Variants in SPECC1 observed in about 807,000 individuals in gnomAD.
SPECC1 encodes cytospin-B.
In SPECC1, 62 loss-of-function variants were observed where a neutral mutation model predicts 104.1. The observed-to-expected ratio is 0.60, with a 90% CI of 0.49 to 0.74. The LOEUF (loss-of-function observed/expected upper bound fraction) is 0.74. Among genes scored for constraint, SPECC1 ranks in the 30% least tolerant of loss-of-function variants. SPECC1 has a pLI of 0.00. For synonymous variants in SPECC1, 513 were observed against 501.6 expected, an observed-to-expected ratio of 1.02 and a Z score of -0.30; for missense variants, 1,306 against 1,310.5, an observed-to-expected ratio of 1.00 and a Z score of 0.05.
At chr17:20,023,682 G>A (rs546356333) in intron 1 of SPECC1, among the ~76,000 whole-genome samples, 1 of 152,156 alleles carries the variant, frequency 6.6e-6, no homozygotes, top group South Asian at 2.1e-4. Context: ...CTGAGATTGG[G>A]TTCTGTGCTG....
intron 4 of SPECC1, among the ~76,000 whole-genome samples, chr17:20,221,068 A>G (rs898549756): frequency 6.6e-6 from 1 of 152,020 alleles, no homozygotes; most frequent in African/African-American, 2.4e-5. Context: ...GTTTGCTAGG[A>G]TTTTGTTGAG....
rs542513864 is a variant in SPECC1, at chr17:20,121,189, G to A, written c.283+10627G>A. On this transcript the variant is annotated intron_variant, in intron 3 of 14. Coordinates refer to ENST00000395527, the MANE Select transcript of SPECC1 (RefSeq NM_001243439.2). ...CATGCTCACAATAGCCATAGGAAGA[G>A]CATGGTTATTTTATCTAGACCAGGA... 2.0e-3 allele frequency among the ~76,000 whole-genome samples: 300 copies of A among 152,264 alleles called. 1 individual carries two copies. The highest frequency in any genetic ancestry group is 3.7e-3 in the Non-Finnish European group (253 of 68,018).
intron 12 of SPECC1, among the ~76,000 whole-genome samples, chr17:20,287,488 T>TA (rs1372124287): frequency 7.1e-6 from 1 of 141,696 alleles, no homozygotes; most frequent in African/African-American, 2.7e-5. Flanking sequence ...AGAGCTCTGA[T>TA]AAAGCATAAC....
chr17:20,034,397 T>G (rs1211728836), intron 1 of SPECC1, among the ~76,000 whole-genome samples: 1 of 151,818 alleles, frequency 6.6e-6, no homozygotes, highest in African/African-American at 2.4e-5. Context: ...GCGTCAGGTC[T>G]TTCCCCCAAT....
At chr17:20,022,945 T>A (rs1488157136) in intron 1 of SPECC1, among the ~76,000 whole-genome samples, 1 of 152,210 alleles carries the variant, frequency 6.6e-6, no homozygotes, top group Non-Finnish European at 1.5e-5. Flanking sequence ...TGACGGACTG[T>A]GTGCACATTC....
At chr17:20,115,088 G>A (rs1386559774) in intron 3 of SPECC1, among the ~76,000 whole-genome samples, 2 of 152,118 alleles carry the variant, frequency 1.3e-5, no homozygotes, top group African/African-American at 4.8e-5. Flanking sequence ...AGAAACTGCA[G>A]ATTTTAGATC....
intron 1 of SPECC1, among the ~76,000 whole-genome samples, chr17:20,084,335 A>G (rs1294263741): frequency 6.6e-6 from 1 of 152,168 alleles, no homozygotes; most frequent in Non-Finnish European, 1.5e-5. Flanking sequence ...AGGCTGAGGC[A>G]GGAGAATTGC....
chr17:20,280,258 G>A (rs146747416), intron 12 of SPECC1, among the ~76,000 whole-genome samples: 5 of 152,240 alleles, frequency 3.3e-5, no homozygotes, highest in Non-Finnish European at 7.3e-5. Flanking sequence ...TATTTACCAC[G>A]TGACCGACAT....
intron 12 of SPECC1, among the ~76,000 whole-genome samples, chr17:20,274,914 G>A (rs2040527202): frequency 6.6e-6 from 1 of 151,162 alleles, no homozygotes; most frequent in Non-Finnish European, 1.5e-5. Flanking sequence ...ACAGAAATAA[G>A]ATTTAATAAT....
At chr17:20,158,316 C>T (rs2032794095) in intron 3 of SPECC1, among the ~76,000 whole-genome samples, 1 of 152,192 alleles carries the variant, frequency 6.6e-6, no homozygotes, top group African/African-American at 2.4e-5. Flanking sequence ...CGTATTGTGT[C>T]AGTTTTGTCC....
intron 3 of SPECC1, among the ~76,000 whole-genome samples, chr17:20,136,426 T>TAA (rs10577710): frequency 0.13 from 18,220 of 143,986 alleles, 1,166 homozygotes; most frequent in African/African-American, 0.14. Flanking sequence ...CTCCATCTAT[T>TAA]AAAAAAAAAA....
chr17:20,072,249 C>T (rs547302364), intron 1 of SPECC1, among the ~76,000 whole-genome samples: 1 of 152,342 alleles, frequency 6.6e-6, no homozygotes, highest in South Asian at 2.1e-4. Context: ...CATCATTGGA[C>T]CTCATGGTCT....
intron 9 of SPECC1, among the ~76,000 whole-genome samples, chr17:20,251,984 T>A (rs1210968487): frequency 2.0e-5 from 3 of 152,106 alleles, no homozygotes; most frequent in Non-Finnish European, 4.4e-5. Context: ...GCCAAGATGG[T>A]GGGTGATGGT....
chr17:20,105,525 C>T (rs1200344174), intron 2 of SPECC1, among the ~76,000 whole-genome samples: 3 of 152,106 alleles, frequency 2.0e-5, no homozygotes, highest in African/African-American at 7.2e-5. Flanking sequence ...TTTTGCATGT[C>T]CCACTCCCTC....
chr17:20,304,004 G>T (rs899932072), intron 13 of SPECC1, among the ~76,000 whole-genome samples: 1 of 149,536 alleles, frequency 6.7e-6, no homozygotes, highest in Non-Finnish European at 1.5e-5. Flanking sequence ...AGGTGCCATA[G>T]CTCACACCTG....
intron 1 of SPECC1, among the ~76,000 whole-genome samples, chr17:20,027,938 ATTTTACC>A (rs1432161943): frequency 6.6e-6 from 1 of 152,006 alleles, no homozygotes; most frequent in Non-Finnish European, 1.5e-5. Flanking sequence ...AATTTACCCT[ATTTTACC>A]TTAGTTGGTC....
intron 7 of SPECC1, among the ~76,000 whole-genome samples, chr17:20,235,034 C>T (rs78477504): frequency 0.12 from 17,775 of 152,270 alleles, 1,083 homozygotes; most frequent in Non-Finnish European, 0.13. Flanking sequence ...TGCAGCCAAC[C>T]AGTAACATCT....
At chr17:20,279,323 C>CTTTTTTTTTTTTTTTTTTT (rs548300449) in intron 12 of SPECC1, among the ~76,000 whole-genome samples, 2 of 113,730 alleles carry the variant, frequency 1.8e-5, no homozygotes, top group African/African-American at 3.2e-5. Flanking sequence ...TTTTTTTTTT[C>CTTTTTTTTTTTTTTTTTTT]TTTTTTTTTT....
chr17:20,257,495 C>T lies in SPECC1; in HGVS notation c.2725C>T (p.Leu909Phe). The T allele has an allele frequency of 6.2e-7, 1 of 1,608,188 alleles. No individual in the cohort carries two copies. Among genetic ancestry groups the T allele is most frequent in the African/African-American group, 1.3e-5 (1 of 74,540 alleles). The change falls in exon 11 of 15, where the codon CTC (leucine) becomes TTC (phenylalanine). Residue 909 changes from leucine (L) to phenylalanine (F), a missense_variant. Around this residue, in one of 2 missense-constraint regions of SPECC1, gnomAD observed 1,177 missense variants for 1,139.9 expected, o/e 1.03. Coordinates refer to ENST00000395527, the MANE Select transcript of SPECC1 (RefSeq NM_001243439.2). Reference sequence around the variant, plus strand: ...TGAGACCCTGAAGCCAGACCCCCACCTCCGCAAGAGTCCCTCACTAGAGTC... The same window carrying T: ...TGAGACCCTGAAGCCAGACCCCCACTTCCGCAAGAGTCCCTCACTAGAGTC... The part of the protein sequence containing the change: ...RTETLKPDPH[L>F]RKSPSLESLS...
Sources: allele counts gnomAD v4.1 joint callset (sites outside exome capture counted in the v4.1 genomes callset), GRCh38; gene constraint gnomAD v4.1.1; regional missense constraint gnomAD v4.1.1; transcripts MANE v1.5; gene names NCBI Gene and HGNC (gene_info 2026-07-23, HGNC 2026-07-21).